The following RAB3IP variants were observed in gnomAD, a reference collection of about 807,000 sequenced individuals.
RAB3IP encodes the protein rab-3A-interacting protein.
A neutral mutation model predicts 59.1 loss-of-function variants in RAB3IP; 36 were observed. The ratio of observed to expected loss-of-function variants is 0.61; its 90% CI spans 0.47 to 0.80. The LOEUF (loss-of-function observed/expected upper bound fraction) is 0.80, where lower values mean the gene tolerates loss of function less well. RAB3IP is among the 30% of genes least tolerant of loss of function. RAB3IP has a pLI of 0.00. For synonymous variants in RAB3IP, 207 were observed against 191.2 expected (o/e 1.08, Z -0.68); for missense variants, 511 against 536.0 (o/e 0.95, Z 0.46).
At chr12:69,740,163 G>C (rs1887173148) in intron 1 of RAB3IP, among the ~76,000 whole-genome samples, 2 of 152,178 alleles carry the variant, frequency 1.3e-5, no homozygotes, top group South Asian at 4.2e-4. Flanking sequence ...TGTTCATGAA[G>C]GTTTTTTTTT....
chr12:69,739,930 A>T (rs1887134810), intron 1 of RAB3IP: 1 of 1,547,886 alleles, frequency 6.5e-7, no homozygotes, highest in African/African-American at 1.4e-5. Flanking sequence ...GAGGCAATTT[A>T]GTTTCATGGA....
At chr12:69,795,397 A>T in intron 6 of RAB3IP, 53 bp downstream of exon 6, 1 of 1,418,548 alleles carries the variant, frequency 7.0e-7, no homozygotes, top group South Asian at 1.2e-5. Flanking sequence ...GTTAGTTCTC[A>T]TCACTGAGGT....
intron 3 of RAB3IP, among the ~76,000 whole-genome samples, chr12:69,773,371 T>G (rs2136180215): frequency 6.7e-6 from 1 of 150,330 alleles, no homozygotes; most frequent in East Asian, 1.9e-4. Context: ...ATTATTTTTT[T>G]GGATACGCCT....
intron 3 of RAB3IP, among the ~76,000 whole-genome samples, chr12:69,782,947 A>G (rs1839873372): frequency 6.6e-6 from 1 of 152,138 alleles, no homozygotes; most frequent in Non-Finnish European, 1.5e-5. Flanking sequence ...GCTGGCTATA[A>G]AATACTCAGC....
At chr12:69,782,802 T>C (rs1874962970) in intron 3 of RAB3IP, among the ~76,000 whole-genome samples, 1 of 152,090 alleles carries the variant, frequency 6.6e-6, no homozygotes. Context: ...GCTTATCCAG[T>C]TTTTTTGTTT....
intron 3 of RAB3IP, among the ~76,000 whole-genome samples, chr12:69,758,756 CTTTTT>C (rs71437121): frequency 4.4e-4 from 21 of 48,226 alleles, no homozygotes; most frequent in African/African-American, 1.2e-3. Flanking sequence ...GTGTTCATTC[CTTTTT>C]TTTTTTTTTT....
rs529492954 is a variant in RAB3IP at position 69,780,090 on chromosome 12, G to A, written c.511-4630G>A. Among the ~76,000 whole-genome samples, 8 of 152,230 alleles carry A rather than the reference G, an allele frequency of 5.3e-5. No homozygotes were observed. The East Asian group carries it at 1.5e-3, about 29-fold the overall frequency. On this transcript the variant is annotated intron_variant, in intron 3 of 10. Transcript: ENST00000247833. ...CCCATTTTTACCACGAAGATGACAT[G>A]GTGCTCCAGCCAGGATATACCTAAT...
At chr12:69,808,016 T>G (rs949101916) in intron 8 of RAB3IP, among the ~76,000 whole-genome samples, 16 of 152,244 alleles carry the variant, frequency 1.1e-4, no homozygotes, top group South Asian at 2.1e-4. Context: ...CTGCTTTCTC[T>G]TGTGGGCATT....
chr12:69,739,824 C>G, intron 1 of RAB3IP: 1 of 1,613,976 alleles, frequency 6.2e-7, no homozygotes, highest in Non-Finnish European at 8.5e-7. Flanking sequence ...GAAGTCGCAG[C>G]ATGTGAAGAG....
intron 8 of RAB3IP, among the ~76,000 whole-genome samples, chr12:69,807,096 C>T (rs565516984): frequency 8.5e-4 from 129 of 152,272 alleles, no homozygotes; most frequent in African/African-American, 2.6e-3. Flanking sequence ...GCTGTCTCTT[C>T]GGAGCTGTTG....
intron 10 of RAB3IP, among the ~76,000 whole-genome samples, chr12:69,813,440 T>C (rs1208478140): frequency 6.6e-6 from 1 of 152,152 alleles, no homozygotes; most frequent in Non-Finnish European, 1.5e-5. Flanking sequence ...GAGCTCAAAA[T>C]TAAGTTTTCC....
chr12:69,815,331 T>A, intron 10 of RAB3IP, 33 bp from the exon 11 acceptor site: 1 of 1,434,642 alleles, frequency 7.0e-7, no homozygotes, highest in Non-Finnish European at 9.8e-7. Context: ...TGGTATTTTA[T>A]GATTTAAATA....
intron 3 of RAB3IP, among the ~76,000 whole-genome samples, chr12:69,770,425 G>T (rs575782048): frequency 7.3e-4 from 111 of 152,218 alleles, no homozygotes; most frequent in Admixed American, 2.2e-3. Flanking sequence ...TATAAATGCT[G>T]TGTAAATAGT....
rs1278399532 is a variant in RAB3IP at position 69,821,660 on chromosome 12, A to G, written c.*6214A>G. 1 of 152,216 alleles carries G rather than the reference A, an allele frequency of 6.6e-6. No homozygotes were observed. The highest frequency in any genetic ancestry group is 1.5e-5 in the Non-Finnish European group (1 of 68,044). 9.4% of individuals were successfully genotyped at this position (152,216 alleles called of 1,614,324 possible). ...TTTTGAACAATTGCCAGCATTTAAA[A>G]ATGAGGAAATCTAAAATCTGCATTT... On this transcript the variant is annotated 3_prime_UTR_variant, in exon 11 of 11. Coordinates refer to ENST00000247833, the MANE Select transcript of RAB3IP (RefSeq NM_022456.5).
intron 3 of RAB3IP, among the ~76,000 whole-genome samples, chr12:69,760,092 T>TGA (rs1871050993): frequency 6.6e-6 from 1 of 152,180 alleles, no homozygotes; most frequent in Non-Finnish European, 1.5e-5. Flanking sequence ...TGGGCAACAT[T>TGA]GAGCCCTGAG....
intron 1 of RAB3IP, among the ~76,000 whole-genome samples, chr12:69,745,670 T>A (rs1255708578): frequency 6.6e-6 from 1 of 152,220 alleles, no homozygotes; most frequent in Non-Finnish European, 1.5e-5. Context: ...CACTTCTTTT[T>A]TTTTAAACTT....
intron 1 of RAB3IP, among the ~76,000 whole-genome samples, chr12:69,751,913 A>G (rs1347296305): frequency 6.6e-6 from 1 of 151,904 alleles, no homozygotes; most frequent in Non-Finnish European, 1.5e-5. Flanking sequence ...AAAGCAAGGT[A>G]CTTACAGAAA....
intron 6 of RAB3IP, 190 bp downstream of exon 6, chr12:69,795,534 T>C (rs1295164209): frequency 1.7e-5 from 10 of 600,666 alleles, no homozygotes; most frequent in South Asian, 1.3e-4. Flanking sequence ...TGGCTGACCT[T>C]GGAGTACCTG....
intron 1 of RAB3IP, among the ~76,000 whole-genome samples, chr12:69,740,363 C>T (rs1347985617): frequency 6.6e-6 from 1 of 152,136 alleles, no homozygotes; most frequent in African/African-American, 2.4e-5. Context: ...ACAGTGTATT[C>T]CAGATGCGGC....
Sources: gnomAD v4.1 joint callset for allele counts (sites outside exome capture counted in the v4.1 genomes callset) on GRCh38, gnomAD v4.1.1 for gene constraint, MANE v1.5 for transcripts, NCBI Gene and HGNC (gene_info 2026-07-23, HGNC 2026-07-21) for gene names.